Variants in ZNF722 observed in about 807,000 individuals in gnomAD.
The protein encoded by ZNF722 is zinc finger protein 479 pseudogene.
chr7:64,002,578 T>A, the ZNF722 span, among the ~76,000 whole-genome samples: 1 of 152,194 alleles, frequency 6.6e-6, no homozygotes, highest in African/African-American at 2.4e-5. Flanking sequence ...TAGAGAAACA[T>A]AAGAAGAAAT....
chr7:64,011,095 G>A, the ZNF722 span, among the ~76,000 whole-genome samples: 1 of 149,594 alleles, frequency 6.7e-6, no homozygotes, highest in Non-Finnish European at 1.5e-5. Context: ...CCATTTTTTT[G>A]GTGAGGATGG....
At chr7:64,008,275 T>C in the ZNF722 span, among the ~76,000 whole-genome samples, 499 of 152,346 alleles carry the variant, frequency 3.3e-3, 1 homozygote, top group African/African-American at 0.011. Flanking sequence ...ATTTTGGCTT[T>C]TGTTGCTATT....
the ZNF722 span, among the ~76,000 whole-genome samples, chr7:64,017,286 A>AGGCAG: frequency 6.6e-6 from 1 of 152,190 alleles, no homozygotes; most frequent in African/African-American, 2.4e-5. Flanking sequence ...TGGGAGGCTG[A>AGGCAG]GGCAGGCGAA....
chr7:64,014,315 A>C, the ZNF722 span, among the ~76,000 whole-genome samples: 2 of 152,070 alleles, frequency 1.3e-5, no homozygotes, highest in African/African-American at 4.8e-5. Context: ...CTTAAATTTT[A>C]AAAATTAATA....
the ZNF722 span, chr7:63,998,885 T>C: frequency 6.7e-7 from 1 of 1,483,618 alleles, no homozygotes; most frequent in Non-Finnish European, 9.3e-7. Context: ...TCCAGTTCTT[T>C]TCTTCAGGGC....
At chr7:64,004,423 A>T in the ZNF722 span, among the ~76,000 whole-genome samples, 1,505 of 61,396 alleles carry the variant, frequency 0.025, 26 homozygotes, top group South Asian at 0.13. Flanking sequence ...AAAAAAAAAA[A>T]AAATATATAT....
the ZNF722 span, chr7:64,015,925 G>T: frequency 6.9e-7 from 1 of 1,441,724 alleles, no homozygotes. Context: ...AAATAATGTG[G>T]CAAATTCTAG....
the ZNF722 span, chr7:63,999,014 C>G: frequency 8.9e-6 from 14 of 1,577,164 alleles, no homozygotes; most frequent in African/African-American, 1.5e-4. Flanking sequence ...AGTGCTGGGT[C>G]TGTCATCGTG....
the ZNF722 span, chr7:64,015,469 A>C: frequency 1.2e-6 from 2 of 1,611,796 alleles, no homozygotes; most frequent in Non-Finnish European, 1.7e-6. Flanking sequence ...AAAAGAATTC[A>C]TACTGGAGAG....
chr7:64,004,457 A>ATATAT, the ZNF722 span, among the ~76,000 whole-genome samples: 1 of 115,028 alleles, frequency 8.7e-6, no homozygotes, highest in Non-Finnish European at 1.8e-5. Context: ...TATATATATA[A>ATATAT]AATTAAATTT....
the ZNF722 span, among the ~76,000 whole-genome samples, chr7:64,011,920 C>T: frequency 2.5e-3 from 381 of 152,184 alleles, 1 homozygote; most frequent in African/African-American, 8.5e-3. Flanking sequence ...TCACATAGTC[C>T]CATATTTCTT....
the ZNF722 span, among the ~76,000 whole-genome samples, chr7:64,013,493 GT>G: frequency 1.3e-5 from 2 of 151,540 alleles, no homozygotes; most frequent in African/African-American, 4.8e-5. Flanking sequence ...ACCTGTTAAA[GT>G]TACAACAGTA....
chr7:64,004,425 A>AAAAAAATATATATATAT, the ZNF722 span, among the ~76,000 whole-genome samples: 5 of 61,110 alleles, frequency 8.2e-5, no homozygotes, highest in African/African-American at 4.0e-4. Context: ...AAAAAAAAAA[A>AAAAAAATATATATATAT]ATATATATAT....
chr7:64,004,238 G>A, the ZNF722 span, among the ~76,000 whole-genome samples: 5 of 146,274 alleles, frequency 3.4e-5, no homozygotes, highest in African/African-American at 5.0e-5. Flanking sequence ...CCGTCTCTAC[G>A]GAAAAAAAAA....
the ZNF722 span, chr7:64,015,484 C>G: frequency 6.2e-7 from 1 of 1,612,382 alleles, no homozygotes; most frequent in Non-Finnish European, 8.5e-7. Flanking sequence ...GGAGAGAAAC[C>G]CTACAGATGT....
chr7:64,015,699 C>T, the ZNF722 span: 2 of 1,613,674 alleles, frequency 1.2e-6, no homozygotes, highest in Admixed American at 1.7e-5. Context: ...ATCCTCAACC[C>T]TCAATGACCA....
At chr7:64,013,703 A>AT in the ZNF722 span, among the ~76,000 whole-genome samples, 7 of 151,924 alleles carry the variant, frequency 4.6e-5, no homozygotes, top group Admixed American at 4.6e-4. Flanking sequence ...ACGGAATTTT[A>AT]TTTTTTTATA....
the ZNF722 span, among the ~76,000 whole-genome samples, chr7:63,999,423 T>TA: frequency 6.6e-6 from 1 of 152,120 alleles, no homozygotes; most frequent in Admixed American, 6.5e-5. Flanking sequence ...GTAAAAATAT[T>TA]AGAGAACTTG....
At chr7:64,011,577 C>G in the ZNF722 span, among the ~76,000 whole-genome samples, 1 of 152,126 alleles carries the variant, frequency 6.6e-6, no homozygotes, top group Non-Finnish European at 1.5e-5. Context: ...AATAGTGGCC[C>G]CCACTCTCTT....
Sources: allele counts gnomAD v4.1 joint callset (sites outside exome capture counted in the v4.1 genomes callset), GRCh38; gene constraint gnomAD v4.1.1; transcripts MANE v1.5; gene names NCBI Gene and HGNC (gene_info 2026-07-23, HGNC 2026-07-21).